Variants in FGGY observed in about 807,000 individuals in gnomAD.
FGGY encodes the protein FGGY carbohydrate kinase domain containing.
In FGGY, 72 loss-of-function variants were observed where a neutral mutation model predicts 71.3. The ratio of observed to expected loss-of-function variants is 1.01; its 90% CI spans 0.84 to 1.23. The LOEUF (loss-of-function observed/expected upper bound fraction) is 1.23. Among genes scored for constraint, FGGY ranks in the 50% most tolerant of loss-of-function variants. The pLI, the probability that FGGY is intolerant of heterozygous loss-of-function variation, is 0.00. For missense variants in FGGY, 668 were observed against 682.3 expected (o/e 0.98, Z 0.23); for synonymous variants, 251 against 250.3 (o/e 1.00, Z -0.02).
intron 4 of FGGY, among the ~76,000 whole-genome samples, chr1:59,363,464 T>G (rs2055991997): frequency 6.6e-6 from 1 of 152,220 alleles, no homozygotes; most frequent in Non-Finnish European, 1.5e-5. Context: ...GCATAGGCAC[T>G]ATTATTGTCC....
At chr1:59,714,598 T>A (rs1170870099) in intron 14 of FGGY, among the ~76,000 whole-genome samples, 3 of 152,146 alleles carry the variant, frequency 2.0e-5, no homozygotes, top group Non-Finnish European at 4.4e-5. Context: ...CTGATTGCTG[T>A]TAAATTCACA....
chr1:59,438,967 T>C (rs1263447673), intron 5 of FGGY, among the ~76,000 whole-genome samples: 2 of 152,210 alleles, frequency 1.3e-5, no homozygotes, highest in Non-Finnish European at 2.9e-5. Flanking sequence ...ATAATGTTTA[T>C]AATATTTACT....
intron 7 of FGGY, among the ~76,000 whole-genome samples, chr1:59,521,447 C>T (rs1021649612): frequency 1.3e-5 from 2 of 152,126 alleles, no homozygotes; most frequent in Non-Finnish European, 2.9e-5. Flanking sequence ...GAATCCAGGG[C>T]CTGGTGCTAT....
chr1:59,677,043 G>A (rs2097442439), intron 14 of FGGY, among the ~76,000 whole-genome samples: 2 of 152,118 alleles, frequency 1.3e-5, no homozygotes, highest in African/African-American at 4.8e-5. Flanking sequence ...TGACCTCTCA[G>A]GTGTAATCAA....
intron 6 of FGGY, among the ~76,000 whole-genome samples, chr1:59,500,959 C>T (rs1453863510): frequency 6.6e-6 from 1 of 152,098 alleles, no homozygotes; most frequent in Non-Finnish European, 1.5e-5. Context: ...TTACCTGAAT[C>T]ATGTTTGGTC....
Position 59,344,767 on chromosome 1 carries a change from T to C in FGGY, c.314-1480T>C, listed in dbSNP as rs559310862. ...TAAATACTTGTTATACTATATTGTT[T>C]AGGGAATAATGGCAAGTAAAAAAGT... On this transcript the variant is annotated intron_variant, in intron 3 of 15. Transcript: ENST00000303721. Among the ~76,000 whole-genome samples, 10 of 152,268 alleles carry C rather than the reference T, an allele frequency of 6.6e-5. No individual in the cohort carries two copies. The South Asian group carries it at 1.7e-3, about 25-fold the overall frequency.
intron 6 of FGGY, 52 bp downstream of exon 6, chr1:59,457,128 T>C: frequency 7.8e-7 from 1 of 1,280,226 alleles, no homozygotes; most frequent in Non-Finnish European, 1.1e-6. Flanking sequence ...AGGATCTTGA[T>C]GGGTTTGTTG....
At chr1:59,442,322 C>T (rs2070120626) in intron 5 of FGGY, among the ~76,000 whole-genome samples, 1 of 152,218 alleles carries the variant, frequency 6.6e-6, no homozygotes, top group African/African-American at 2.4e-5. Flanking sequence ...AATGTATCCT[C>T]CTTCTGAAGA....
In FGGY at chr1:59,762,704, A is replaced by T. The variant is rs1447083074; in HGVS notation, c.*120A>T. ...CATCATTTCTGTATTGTCTTTCAATAAAGAAAACAAACATGTGCAACCAGA... is the reference window on the plus strand; with the variant it reads ...CATCATTTCTGTATTGTCTTTCAATTAAGAAAACAAACATGTGCAACCAGA... On this transcript the variant is annotated 3_prime_UTR_variant, in exon 16 of 16. Transcript: ENST00000303721. 4 of 717,826 alleles carry T rather than the reference A, an allele frequency of 5.6e-6. No homozygotes were observed. Among genetic ancestry groups the T allele is most frequent in the Non-Finnish European group, 7.0e-6 (3 of 427,624 alleles). 44.5% of individuals were successfully genotyped at this position (717,826 alleles called of 1,614,324 possible).
chr1:59,607,065 C>A (rs2096630904), intron 8 of FGGY, among the ~76,000 whole-genome samples: 1 of 152,128 alleles, frequency 6.6e-6, no homozygotes, highest in South Asian at 2.1e-4. Flanking sequence ...AAGTTACAGA[C>A]AAATAGAAAA....
chr1:59,524,651 C>T (rs1480646342), intron 7 of FGGY, among the ~76,000 whole-genome samples: 1 of 152,030 alleles, frequency 6.6e-6, no homozygotes, highest in South Asian at 2.1e-4. Flanking sequence ...ATTGGGATGA[C>T]CTGCCTGCAG....
chr1:59,370,295 C>A lies in FGGY; in HGVS notation c.466-8454C>A, dbSNP rs372824980. Among the ~76,000 whole-genome samples the A allele has an allele frequency of 4.6e-5, 7 of 151,882 alleles. No homozygotes were observed. In the East Asian group the frequency reaches 1.4e-3, roughly 29 times the overall value. ...GAAGCCTCAGGAGACGATGCGATCA[C>A]CTGGAAGAAAGCGATGGAAGATGAA... On this transcript the variant is annotated intron_variant, in intron 4 of 15. Transcript: ENST00000303721.
intron 4 of FGGY, among the ~76,000 whole-genome samples, chr1:59,349,606 C>T (rs1449914132): frequency 2.0e-5 from 3 of 152,114 alleles, no homozygotes; most frequent in Non-Finnish European, 4.4e-5. Flanking sequence ...CTGAGAACAT[C>T]TTATATTAAT....
intron 6 of FGGY, among the ~76,000 whole-genome samples, chr1:59,506,953 A>G (rs1236668315): frequency 2.0e-5 from 3 of 152,236 alleles, no homozygotes; most frequent in African/African-American, 7.2e-5. Context: ...CAAATAGTTC[A>G]TCTACTTTCA....
At position 59,603,068 on chromosome 1, in the gene FGGY, C is replaced by T. The variant is rs540970763; in HGVS notation, c.904-4735C>T. ...TTTATATCAGACACAAAGAGTACAC[C>T]AGATGTCTAAGTACAGTTTAAACAA... On this transcript the variant is annotated intron_variant, in intron 8 of 15. Transcript: ENST00000303721. Among the ~76,000 whole-genome samples the T allele has an allele frequency of 2.6e-5, 4 of 152,136 alleles. No homozygotes were observed. The South Asian group carries it at 8.3e-4, about 31-fold the overall frequency.
chr1:59,422,394 T>A (rs1268463135), intron 5 of FGGY, among the ~76,000 whole-genome samples: 1 of 152,142 alleles, frequency 6.6e-6, no homozygotes, highest in East Asian at 1.9e-4. Context: ...TGTTTTTAAT[T>A]GTTATTTTGA....
intron 7 of FGGY, among the ~76,000 whole-genome samples, chr1:59,527,056 C>G (rs566802537): frequency 6.6e-6 from 1 of 152,308 alleles, no homozygotes; most frequent in African/African-American, 2.4e-5. Context: ...TCAAGCAAAC[C>G]TATCTGTTCA....
intron 14 of FGGY, among the ~76,000 whole-genome samples, chr1:59,757,267 G>C (rs970014809): frequency 1.3e-5 from 2 of 152,086 alleles, no homozygotes; most frequent in African/African-American, 4.8e-5. Context: ...AACAATCCAT[G>C]GTTAATCTTG....
chr1:59,399,673 A>C (rs2061710928), intron 5 of FGGY, among the ~76,000 whole-genome samples: 1 of 152,176 alleles, frequency 6.6e-6, no homozygotes, highest in Admixed American at 6.5e-5. Flanking sequence ...TATCCTCTCC[A>C]ATTAGAGCTT....
Sources: allele counts gnomAD v4.1 joint callset (sites outside exome capture counted in the v4.1 genomes callset), GRCh38; gene constraint gnomAD v4.1.1; transcripts MANE v1.5; gene names NCBI Gene and HGNC (gene_info 2026-07-23, HGNC 2026-07-21).